ABI3BP: variants seen among roughly 807,000 people sequenced by gnomAD.
The protein encoded by ABI3BP is ABI family member 3 binding protein.
In ABI3BP, 216 loss-of-function variants were observed where a neutral mutation model predicts 268.6. The ratio of observed to expected loss-of-function variants is 0.80; its 90% CI spans 0.72 to 0.90. The LOEUF (loss-of-function observed/expected upper bound fraction) is 0.90. ABI3BP is among the 40% of genes least tolerant of loss of function. The pLI is 0.00. For missense variants in ABI3BP, 2,090 were observed against 2,182.4 expected, an observed-to-expected ratio of 0.96 and a Z score of 0.84; for synonymous variants, 730 against 730.0, an observed-to-expected ratio of 1.00 and a Z score of 0.00.
At chr3:100,975,553 A>G (rs564795711) in intron 1 of ABI3BP, among the ~76,000 whole-genome samples, 4 of 152,138 alleles carry the variant, frequency 2.6e-5, no homozygotes, top group East Asian at 1.9e-4. Flanking sequence ...ACCTGACTCA[A>G]TTTTTTTCAG....
At chr3:100,902,121 G>A (rs2050695139) in intron 3 of ABI3BP, among the ~76,000 whole-genome samples, 1 of 152,128 alleles carries the variant, frequency 6.6e-6, no homozygotes, top group Non-Finnish European at 1.5e-5. Context: ...AAACCTACAT[G>A]CTGATCTATT....
chr3:100,896,393 T>C (rs1028123540), intron 4 of ABI3BP, among the ~76,000 whole-genome samples: 2 of 152,172 alleles, frequency 1.3e-5, no homozygotes, highest in Admixed American at 6.5e-5. Flanking sequence ...TTAGAATCGG[T>C]CATCAGATAG....
intron 45 of ABI3BP, among the ~76,000 whole-genome samples, chr3:100,813,245 A>T (rs903793419): frequency 6.6e-6 from 1 of 152,124 alleles, no homozygotes; most frequent in African/African-American, 2.4e-5. Context: ...AAATTTTATT[A>T]TTTTTACTGA....
At chr3:100,775,112 A>G (rs2150086811) in intron 60 of ABI3BP, 95 bp downstream of exon 60, 1 of 1,410,522 alleles carries the variant, frequency 7.1e-7, no homozygotes, top group Non-Finnish European at 9.5e-7. Context: ...GTAAAATAGA[A>G]GACCTCAAAC....
chr3:100,757,201 GAAGA>G (rs1440675157), intron 63 of ABI3BP, among the ~76,000 whole-genome samples: 4 of 152,180 alleles, frequency 2.6e-5, no homozygotes, highest in South Asian at 2.1e-4. Context: ...AGGAATTGTA[GAAGA>G]AAGAAAGGAA....
intron 1 of ABI3BP, among the ~76,000 whole-genome samples, chr3:100,959,489 CA>C (rs35465693): frequency 0.023 from 836 of 36,058 alleles, 2 homozygotes; most frequent in African/African-American, 0.047. Context: ...GACTCCGTCT[CA>C]AAAAAAAAAA....
At chr3:100,887,705 G>A (rs1317810036) in intron 4 of ABI3BP, among the ~76,000 whole-genome samples, 1 of 151,956 alleles carries the variant, frequency 6.6e-6, no homozygotes, top group African/African-American at 2.4e-5. Context: ...AAAATTAAAT[G>A]GAGTAAGATT....
chr3:100,951,491 T>C (rs922254214), intron 1 of ABI3BP, among the ~76,000 whole-genome samples: 1 of 151,998 alleles, frequency 6.6e-6, no homozygotes, highest in Non-Finnish European at 1.5e-5. Context: ...TTCTGATATC[T>C]TAACCTCTAT....
chr3:100,968,980 GC>G (rs1417561083), intron 1 of ABI3BP, among the ~76,000 whole-genome samples: 2 of 152,162 alleles, frequency 1.3e-5, no homozygotes, highest in Non-Finnish European at 2.9e-5. Flanking sequence ...GCAGGCCTGG[GC>G]CCTTTGGGAT....
chr3:100,838,570 T>C, intron 24 of ABI3BP, 106 bp from the exon 25 acceptor site: 1 of 963,960 alleles, frequency 1.0e-6, no homozygotes, highest in South Asian at 1.4e-5. Flanking sequence ...AACGAATCTA[T>C]AAACATTTCT....
intron 1 of ABI3BP, among the ~76,000 whole-genome samples, chr3:100,983,918 C>T (rs2153967774): frequency 6.6e-6 from 1 of 152,084 alleles, no homozygotes; most frequent in South Asian, 2.1e-4. Context: ...AAAATTTTTT[C>T]AAACAATGTT....
At chr3:100,943,739 G>A (rs2153724438) in intron 1 of ABI3BP, among the ~76,000 whole-genome samples, 1 of 152,116 alleles carries the variant, frequency 6.6e-6, no homozygotes, top group African/African-American at 2.4e-5. Context: ...GTAGCTTTTT[G>A]TTGTTATTGT....
In ABI3BP at chr3:100,775,272, G is replaced by A. The variant is rs904625219; in HGVS notation, c.4397C>T (p.Thr1466Ile). ...ATCTGTCTCTATTCTCTCCAAGGGA[G>A]TTCCAGTAGGCCTGGGTGTTGACCT... ...PLRSTPRPTG[T>I]PLERIETDIK... Residue 1466 changes from threonine (T) to isoleucine (I), a missense_variant, in exon 60 of 68, where the codon ACT becomes ATT. Coordinates refer to ENST00000471714, the MANE Select transcript of ABI3BP (RefSeq NM_001375547.2). The A allele has an allele frequency of 6.2e-7, 1 of 1,610,328 alleles. No individual in the cohort carries two copies. Among genetic ancestry groups the A allele is most frequent in the African/African-American group, 1.3e-5 (1 of 74,888 alleles).
At chr3:100,841,220 T>TTTTTTTTG (rs2098696412) in intron 21 of ABI3BP, among the ~76,000 whole-genome samples, 1 of 119,548 alleles carries the variant, frequency 8.4e-6, no homozygotes, top group Admixed American at 9.2e-5. Context: ...TTTTTTTTTT[T>TTTTTTTTG]TTTTTTTGCT....
intron 34 of ABI3BP, among the ~76,000 whole-genome samples, chr3:100,827,439 G>C (rs1301761849): frequency 6.6e-6 from 1 of 152,066 alleles, no homozygotes; most frequent in Non-Finnish European, 1.5e-5. Context: ...ATCTGGTATA[G>C]TCTCAAGAGT....
intron 4 of ABI3BP, among the ~76,000 whole-genome samples, chr3:100,895,449 A>G (rs2047233986): frequency 6.6e-6 from 1 of 152,226 alleles, no homozygotes; most frequent in Admixed American, 6.5e-5. Context: ...CTTACTACCT[A>G]AGAGCTTTGA....
intron 4 of ABI3BP, among the ~76,000 whole-genome samples, chr3:100,895,247 G>C (rs1465198151): frequency 1.3e-5 from 2 of 151,950 alleles, no homozygotes; most frequent in Non-Finnish European, 2.9e-5. Flanking sequence ...AGCCCATTAA[G>C]AATAAAAACT....
chr3:100,967,970 A>G (rs2082007614), intron 1 of ABI3BP, among the ~76,000 whole-genome samples: 1 of 152,186 alleles, frequency 6.6e-6, no homozygotes, highest in Non-Finnish European at 1.5e-5. Flanking sequence ...TTTTAAATTC[A>G]CTGAAATGAC....
intron 1 of ABI3BP, among the ~76,000 whole-genome samples, chr3:100,972,933 C>A (rs1221781161): frequency 6.6e-6 from 1 of 152,170 alleles, no homozygotes; most frequent in Non-Finnish European, 1.5e-5. Flanking sequence ...ACCCAATGTG[C>A]ATGTTCCTGG....
Sources: gnomAD v4.1 joint callset for allele counts (sites outside exome capture counted in the v4.1 genomes callset) on GRCh38, gnomAD v4.1.1 for gene constraint, MANE v1.5 for transcripts, NCBI Gene and HGNC (gene_info 2026-07-23, HGNC 2026-07-21) for gene names.